SLC2A14: variants seen among roughly 807,000 people sequenced by gnomAD.
The protein encoded by SLC2A14 is solute carrier family 2, facilitated glucose transporter member 14.
A neutral mutation model predicts 43.0 loss-of-function variants in SLC2A14; 13 were observed. The ratio of observed to expected loss-of-function variants is 0.30; its 90% CI spans 0.20 to 0.48. The LOEUF is 0.48. SLC2A14 is among the 20% of genes least tolerant of loss of function. SLC2A14 has a pLI of 0.99. For missense variants in SLC2A14, 428 were observed against 620.4 expected, an observed-to-expected ratio of 0.69 and a Z score of 3.29; for synonymous variants, 190 against 233.8, an observed-to-expected ratio of 0.81 and a Z score of 1.71.
chr12:7,887,600 GA>G (rs1565592498), intron 1 of SLC2A14, among the ~76,000 whole-genome samples: 11 of 133,514 alleles, frequency 8.2e-5, no homozygotes, highest in East Asian at 4.8e-4. Context: ...TAGATAGATA[GA>G]TAGATAGATA....
At chr12:7,869,841 T>C (rs1945130945) in intron 2 of SLC2A14, 22 bp downstream of exon 2, 12 of 1,419,392 alleles carry the variant, frequency 8.5e-6, no homozygotes, top group Non-Finnish European at 1.2e-5. Context: ...ATTTGATATC[T>C]GACATCAGTT....
At chr12:7,874,948 AT>A (rs1945419845), upstream of SLC2A14, among the ~76,000 whole-genome samples, 1 of 14,284 alleles carries the variant, frequency 7.0e-5, no homozygotes. Context: ...TTATATATAA[AT>A]ATATTTATAT....
chr12:7,874,950 ATAT>A (rs1565585239), upstream of SLC2A14, among the ~76,000 whole-genome samples: 279 of 6,884 alleles, frequency 0.041, 5 homozygotes, highest in Middle Eastern at 0.5. Context: ...ATATATAAAT[ATAT>A]TTATATATAA....
chr12:7,844,865 T>G (rs1866327309), intron 2 of SLC2A14, among the ~76,000 whole-genome samples: 1 of 152,100 alleles, frequency 6.6e-6, no homozygotes, highest in Non-Finnish European at 1.5e-5. Flanking sequence ...CAAAAACAAG[T>G]GAGCTACATC....
chr12:7,863,733 T>A (rs982745136), intron 2 of SLC2A14, among the ~76,000 whole-genome samples: 1 of 152,138 alleles, frequency 6.6e-6, no homozygotes, highest in Non-Finnish European at 1.5e-5. Context: ...CCACATCTTT[T>A]GGCTTTGGAA....
intron 2 of SLC2A14, among the ~76,000 whole-genome samples, chr12:7,862,490 C>A (rs1017598675): frequency 6.6e-6 from 1 of 152,030 alleles, no homozygotes; most frequent in Non-Finnish European, 1.5e-5. Context: ...GCCTCCTGTG[C>A]GGACGAGCCT....
chr12:7,853,884 G>A (rs192753108), intron 2 of SLC2A14, among the ~76,000 whole-genome samples: 5 of 152,174 alleles, frequency 3.3e-5, no homozygotes, highest in Non-Finnish European at 1.5e-5. Context: ...GCTTAGAAAA[G>A]TGTGTACTTT....
intron 4 of SLC2A14, 147 bp downstream of exon 4, chr12:7,831,457 A>T: frequency 6.5e-6 from 8 of 1,228,920 alleles, no homozygotes; most frequent in Non-Finnish European, 9.0e-6. Flanking sequence ...GGGCAGTCAT[A>T]TTCGGGGCCA....
intron 2 of SLC2A14, among the ~76,000 whole-genome samples, chr12:7,844,158 G>T (rs1275777200): frequency 1.3e-5 from 2 of 152,070 alleles, no homozygotes; most frequent in African/African-American, 4.8e-5. Context: ...CCAGTCTATA[G>T]CCTCCTTCTC....
chr12:7,826,885 CTTTCT>C (rs1208290393), intron 7 of SLC2A14, among the ~76,000 whole-genome samples: 5 of 57,396 alleles, frequency 8.7e-5, no homozygotes, highest in Admixed American at 3.6e-4. Flanking sequence ...TTCTTTCTTT[CTTTCT>C]TTCTTTCTTT....
chr12:7,831,049 G>T (rs1016141354), intron 4 of SLC2A14, among the ~76,000 whole-genome samples: 1 of 151,384 alleles, frequency 6.6e-6, no homozygotes, highest in Non-Finnish European at 1.5e-5. Flanking sequence ...ACTTGAACCC[G>T]GGAGGCAGAG....
upstream of SLC2A14, among the ~76,000 whole-genome samples, chr12:7,876,022 T>C (rs1287483896): frequency 2.0e-5 from 3 of 151,398 alleles, no homozygotes; most frequent in Non-Finnish European, 4.4e-5. Flanking sequence ...CTTATGTCTG[T>C]AATCCTAGCA....
At chr12:7,818,219 T>C (rs948713388) in intron 9 of SLC2A14, among the ~76,000 whole-genome samples, 185 bp from the exon 10 acceptor site, 6 of 40,612 alleles carry the variant, frequency 1.5e-4, no homozygotes, top group African/African-American at 3.4e-4. Flanking sequence ...GGTCTTACTC[T>C]GTTGCCCAGG....
upstream of SLC2A14, among the ~76,000 whole-genome samples, chr12:7,875,003 TAC>T (rs1945425847): frequency 5.7e-4 from 60 of 105,530 alleles, 3 homozygotes; most frequent in South Asian, 8.0e-4. Flanking sequence ...TATATATAAA[TAC>T]ATATATAAAA....
intron 3 of SLC2A14, among the ~76,000 whole-genome samples, chr12:7,832,138 G>C (rs1208759697): frequency 6.6e-6 from 1 of 152,150 alleles, no homozygotes; most frequent in East Asian, 1.9e-4. Context: ...ACAAATATTA[G>C]GGATCATTTC....
At chr12:7,815,971 G>C (rs1398879981) in intron 10 of SLC2A14, among the ~76,000 whole-genome samples, 1 of 151,760 alleles carries the variant, frequency 6.6e-6, no homozygotes, top group African/African-American at 2.4e-5. Flanking sequence ...TGCAAGCTTG[G>C]CTCACTGCAA....
At chr12:7,885,453 G>A (rs1000391920) in intron 1 of SLC2A14, among the ~76,000 whole-genome samples, 17 of 151,366 alleles carry the variant, frequency 1.1e-4, no homozygotes, top group African/African-American at 3.4e-4. Context: ...CAACAAGAGC[G>A]AAACTTCGTC....
At chr12:7,873,463 G>T, upstream of SLC2A14, 1 of 576,942 alleles carries the variant, frequency 1.7e-6, no homozygotes, top group Non-Finnish European at 2.2e-6. Context: ...CCAACATGGC[G>T]AAACCCAGTC....
At chr12:7,875,219 T>A (rs1454774603), upstream of SLC2A14, among the ~76,000 whole-genome samples, 4 of 129,782 alleles carry the variant, frequency 3.1e-5, no homozygotes, top group Admixed American at 3.6e-4. Flanking sequence ...ATTTATATAT[T>A]TATATATGTA....
Sources: allele counts gnomAD v4.1 joint callset (sites outside exome capture counted in the v4.1 genomes callset), GRCh38; gene constraint gnomAD v4.1.1; transcripts MANE v1.5; gene names NCBI Gene and HGNC (gene_info 2026-07-23, HGNC 2026-07-21).